Variants in AFG1L observed in about 807,000 individuals in gnomAD.
AFG1L encodes the protein AFG1 like ATPase.
Under a neutral mutation model 62.2 loss-of-function variants are expected in AFG1L, and 53 were observed. That is an observed-to-expected ratio of 0.85 (90% confidence interval 0.68 to 1.07). The LOEUF is 1.07. Among genes scored for constraint, AFG1L ranks in the 50% least tolerant of loss-of-function variants. AFG1L has a pLI of 0.00. For missense variants in AFG1L, 555 were observed against 590.5 expected (o/e 0.94, Z 0.62); for synonymous variants, 228 against 210.3 (o/e 1.08, Z -0.73).
At chr6:108,512,085 C>T (rs761750921) in intron 11 of AFG1L, among the ~76,000 whole-genome samples, 1 of 152,170 alleles carries the variant, frequency 6.6e-6, no homozygotes, top group African/African-American at 2.4e-5. Context: ...ACTTAAAAAT[C>T]CAGATTCCAG....
intron 11 of AFG1L, among the ~76,000 whole-genome samples, chr6:108,512,100 C>T (rs145765734): frequency 6.6e-6 from 1 of 152,326 alleles, no homozygotes; most frequent in East Asian, 1.9e-4. Flanking sequence ...TTCCAGAGCT[C>T]ACCCATTCCC....
chr6:108,357,696 T>A (rs1478330356), intron 5 of AFG1L, among the ~76,000 whole-genome samples: 2 of 152,268 alleles, frequency 1.3e-5, no homozygotes, highest in Non-Finnish European at 2.9e-5. Context: ...ATTGCCTTAG[T>A]TGAACTTTTA....
chr6:108,504,741 G>A (rs866995856), intron 10 of AFG1L, among the ~76,000 whole-genome samples: 7 of 152,228 alleles, frequency 4.6e-5, no homozygotes, highest in Non-Finnish European at 7.3e-5. Context: ...AAAATGAAGT[G>A]TGCCTGTAGT....
At chr6:108,353,616 G>T (rs1435298094) in intron 3 of AFG1L, among the ~76,000 whole-genome samples, 2 of 151,374 alleles carry the variant, frequency 1.3e-5, no homozygotes, top group South Asian at 4.2e-4. Context: ...ATGTGAAGTG[G>T]TATCTTGTAG....
intron 1 of AFG1L, among the ~76,000 whole-genome samples, chr6:108,321,512 C>T (rs1299466560): frequency 6.6e-6 from 1 of 152,216 alleles, no homozygotes; most frequent in Admixed American, 6.5e-5. Flanking sequence ...ACCCTAGAGT[C>T]ACCTCCTTAA....
chr6:108,353,040 T>A (rs1002047358), intron 3 of AFG1L, among the ~76,000 whole-genome samples: 5 of 152,316 alleles, frequency 3.3e-5, no homozygotes, highest in Middle Eastern at 6.8e-3. Flanking sequence ...CTATTGTGAA[T>A]AATTCTGCTG....
At chr6:108,500,778 A>G (rs1434282329) in intron 10 of AFG1L, among the ~76,000 whole-genome samples, 1 of 152,234 alleles carries the variant, frequency 6.6e-6, no homozygotes, top group Non-Finnish European at 1.5e-5. Context: ...CCAACAGTGT[A>G]TAAGCATTCC....
intron 7 of AFG1L, among the ~76,000 whole-genome samples, chr6:108,433,374 G>C (rs1189581642): frequency 7.0e-6 from 1 of 142,756 alleles, no homozygotes; most frequent in Non-Finnish European, 1.5e-5. Context: ...CCGCCTCCCG[G>C]GTTCAGCCAA....
At chr6:108,404,324 G>A (rs1781758958) in intron 7 of AFG1L, among the ~76,000 whole-genome samples, 2 of 152,084 alleles carry the variant, frequency 1.3e-5, no homozygotes, top group Non-Finnish European at 2.9e-5. Context: ...TTTAAAAAAT[G>A]TTCTTCTCTA....
At chr6:108,407,070 G>A (rs1364421429) in intron 7 of AFG1L, among the ~76,000 whole-genome samples, 2 of 152,138 alleles carry the variant, frequency 1.3e-5, no homozygotes, top group Non-Finnish European at 2.9e-5. Context: ...TGGCTGGGAT[G>A]AAAGTTCCAG....
Position 108,402,061 on chromosome 6 carries a change from A to G in AFG1L, c.807+7A>G. 1 of 1,443,232 alleles carries G rather than the reference A, an allele frequency of 6.9e-7. No individual in the cohort carries two copies. Among genetic ancestry groups the G allele is most frequent in the South Asian group, 1.4e-5 (1 of 73,448 alleles). The allele number at this position is 1,443,232 out of a possible 1,614,324, so 89.4% of individuals were successfully genotyped here. ...ATTCATAGCAGTCTTGAAGGTAAAAACAAATCATTTATTTGTGTTTACTAA... is the reference window on the plus strand; with the variant it reads ...ATTCATAGCAGTCTTGAAGGTAAAAGCAAATCATTTATTTGTGTTTACTAA... On this transcript the variant is annotated splice_region_variant and intron_variant, in intron 7 of 12. Coordinates refer to ENST00000368977, the MANE Select transcript of AFG1L (RefSeq NM_145315.5).
chr6:108,472,300 A>C (rs1302041305), intron 8 of AFG1L, among the ~76,000 whole-genome samples: 1 of 152,188 alleles, frequency 6.6e-6, no homozygotes, highest in Non-Finnish European at 1.5e-5. Context: ...CTAAAGATCA[A>C]ATATACAGCA....
At chr6:108,374,049 A>C (rs1205150253) in intron 6 of AFG1L, among the ~76,000 whole-genome samples, 1 of 152,062 alleles carries the variant, frequency 6.6e-6, no homozygotes, top group Non-Finnish European at 1.5e-5. Flanking sequence ...GTGAGATGGT[A>C]TCTCATTGTG....
At chr6:108,303,790 G>A (rs887702491) in intron 1 of AFG1L, among the ~76,000 whole-genome samples, 1 of 152,110 alleles carries the variant, frequency 6.6e-6, no homozygotes, top group Non-Finnish European at 1.5e-5. Context: ...ATATATGTGT[G>A]TGTATAAAAT....
At chr6:108,336,567 A>G (rs376507137) in intron 2 of AFG1L, among the ~76,000 whole-genome samples, 2 of 152,214 alleles carry the variant, frequency 1.3e-5, no homozygotes, top group South Asian at 4.1e-4. Flanking sequence ...GATGGATGAC[A>G]TACATTCTTT....
chr6:108,316,932 T>C (rs1018660438), intron 1 of AFG1L, among the ~76,000 whole-genome samples: 2 of 152,230 alleles, frequency 1.3e-5, no homozygotes, highest in Non-Finnish European at 2.9e-5. Flanking sequence ...GATGAGACCA[T>C]TTAAAATCCA....
At chr6:108,446,047 G>T (rs1771772586) in intron 7 of AFG1L, among the ~76,000 whole-genome samples, 1 of 127,670 alleles carries the variant, frequency 7.8e-6, no homozygotes, top group Non-Finnish European at 1.6e-5. Context: ...CATCTATGTA[G>T]AGATACACAC....
At chr6:108,415,495 G>A (rs1770216358) in intron 7 of AFG1L, among the ~76,000 whole-genome samples, 1 of 152,170 alleles carries the variant, frequency 6.6e-6, no homozygotes, top group Admixed American at 6.6e-5. Flanking sequence ...AAAGCTGGAG[G>A]CATCACGCTA....
intron 3 of AFG1L, among the ~76,000 whole-genome samples, chr6:108,348,171 C>T (rs1314145001): frequency 3.3e-5 from 5 of 152,102 alleles, no homozygotes; most frequent in Non-Finnish European, 4.4e-5. Context: ...CTCCGCCTCC[C>T]GGGTTCACGC....
Sources: allele counts gnomAD v4.1 joint callset (sites outside exome capture counted in the v4.1 genomes callset), GRCh38; gene constraint gnomAD v4.1.1; transcripts MANE v1.5; gene names NCBI Gene and HGNC (gene_info 2026-07-23, HGNC 2026-07-21).